The following ATP2A1 variants were observed in gnomAD, a reference collection of about 807,000 sequenced individuals.
The protein encoded by ATP2A1 is sarcoplasmic/endoplasmic reticulum calcium ATPase 1.
In ATP2A1, 83 loss-of-function variants were observed where a neutral mutation model predicts 109.5. That is an observed-to-expected ratio of 0.76 (90% confidence interval 0.63 to 0.91). The LOEUF (loss-of-function observed/expected upper bound fraction) is 0.91. Among genes scored for constraint, ATP2A1 ranks in the 40% least tolerant of loss-of-function variants. The probability of loss-of-function intolerance (pLI) is 0.00; values close to 1 mark genes in which losing one functional copy is unlikely to be tolerated. For synonymous variants in ATP2A1, 505 were observed against 537.6 expected (o/e 0.94, Z 0.84); for missense variants, 1,101 against 1,341.0 (o/e 0.82, Z 2.80).
Position 28,903,836 on chromosome 16 carries a change from T to G in ATP2A1, c.*37+95T>G. 8.3e-7 allele frequency: 1 copy of G among 1,209,560 alleles called. No individual in the cohort carries two copies. Among genetic ancestry groups the G allele is most frequent in the Non-Finnish European group, 1.2e-6 (1 of 816,216 alleles). The allele number at this position is 1,209,560 out of a possible 1,614,324, so 74.9% of individuals were successfully genotyped here. A position where few individuals can be genotyped will look rare whatever the true frequency, so the allele number is the denominator to read the frequency against. ...GCGTCGCATCCAAGGTCACTTGTGCTCGCAGCTCCACCTGGAGCCGTTGCC... is the reference window on the plus strand; with the variant it reads ...GCGTCGCATCCAAGGTCACTTGTGCGCGCAGCTCCACCTGGAGCCGTTGCC... On this transcript the variant is annotated intron_variant, in intron 22 of 22. Coordinates refer to ENST00000395503, the MANE Select transcript of ATP2A1 (RefSeq NM_004320.6). This position sits in a 1 kb window ranked among gnomAD's most constrained non-coding sequence, Gnocchi z 5.6.
chr16:28,894,791 C>A (rs199702781), intron 11 of ATP2A1, 31 bp from the exon 12 acceptor site: 2 of 1,609,958 alleles, frequency 1.2e-6, no homozygotes, highest in South Asian at 1.1e-5. Context: ...CCTGGGGCAC[C>A]GACTTCCTCT....
rs1963438798 is a variant in ATP2A1, at chr16:28,880,533, G to A, written c.220-382G>A. On this transcript the variant is annotated intron_variant, in intron 3 of 22. Transcript: ENST00000395503. The surrounding 1 kb of genome is among the most constrained non-coding windows in gnomAD (Gnocchi z 4.2). The stretch of plus-strand genomic sequence containing the variant: ...TTGGCCGAGGGGGAGGGCTGCGGGG[G>A]CCAGACCGCCTGCGAAGACCACAGG... Among the ~76,000 whole-genome samples the A allele has an allele frequency of 6.6e-6, 1 of 151,360 alleles. No homozygotes were observed. Among genetic ancestry groups the A allele is most frequent in the Admixed American group, 6.6e-5 (1 of 15,214 alleles).
chr16:28,887,874 C>T, intron 8 of ATP2A1, 152 bp downstream of exon 8: 5 of 1,046,696 alleles, frequency 4.8e-6, no homozygotes, highest in South Asian at 1.4e-5. Flanking sequence ...GATCTCGGCT[C>T]ACTGCAAGCT....
chr16:28,895,026 C>G, intron 12 of ATP2A1, 73 bp downstream of exon 12: 1 of 1,596,184 alleles, frequency 6.3e-7, no homozygotes, highest in Non-Finnish European at 8.5e-7. Context: ...GGCAGAGGCC[C>G]TGGTTGGGCA....
In ATP2A1 at chr16:28,879,117, G is replaced by GT. The variant is rs1415021206; in HGVS notation, c.136+2dup. Reference sequence around the variant, plus strand: ...TGGGTAGAGCTCCCTGCTGAGGAAGGTAAGTTACTGGAATCCCTGAACTCT... The same window carrying GT: ...TGGGTAGAGCTCCCTGCTGAGGAAGGTTAAGTTACTGGAATCCCTGAACTCT... On this transcript the variant is annotated splice_donor_variant, in intron 2 of 22. Transcript: ENST00000395503. LOFTEE classifies it high-confidence loss of function. 5.0e-6 allele frequency: 8 copies of GT among 1,613,944 alleles called. No individual in the cohort carries two copies. The highest frequency in any genetic ancestry group is 5.9e-6 in the Non-Finnish European group (7 of 1,180,004).
At chr16:28,896,793 A>C (rs1318552874) in intron 12 of ATP2A1, among the ~76,000 whole-genome samples, 1 of 147,570 alleles carries the variant, frequency 6.8e-6, no homozygotes, top group Non-Finnish European at 1.5e-5. Context: ...TCCTGGGTTC[A>C]AGTGATTGTC....
intron 15 of ATP2A1, 29 bp downstream of exon 15, chr16:28,900,945 A>C (rs1964058367): frequency 6.2e-7 from 1 of 1,612,842 alleles, no homozygotes; most frequent in Admixed American, 1.7e-5. Flanking sequence ...CTGCAGCCTT[A>C]GTGTCCACGG....
chr16:28,885,718 A>G (rs917176845), intron 6 of ATP2A1, among the ~76,000 whole-genome samples: 2 of 151,552 alleles, frequency 1.3e-5, no homozygotes, highest in African/African-American at 4.9e-5. Flanking sequence ...GTTGTTGCCT[A>G]CTCTCTAGAT....
intron 14 of ATP2A1, among the ~76,000 whole-genome samples, chr16:28,899,675 T>C (rs1964016764): frequency 9.8e-6 from 1 of 102,006 alleles, no homozygotes; most frequent in South Asian, 3.7e-4. Flanking sequence ...AAGACACAAT[T>C]TGGGGCCACG....
At chr16:28,893,777 G>A (rs1298648814) in intron 9 of ATP2A1, among the ~76,000 whole-genome samples, 1 of 151,252 alleles carries the variant, frequency 6.6e-6, no homozygotes, top group African/African-American at 2.4e-5. Flanking sequence ...AGCCTCCAGA[G>A]TAGCTGGGAT....
chr16:28,888,680 T>C (rs1326504559), intron 8 of ATP2A1, 107 bp from the exon 9 acceptor site: 2 of 1,341,030 alleles, frequency 1.5e-6, no homozygotes, highest in Non-Finnish European at 2.1e-6. Context: ...GCTAGGATTA[T>C]AGGTGTGCAC....
intron 9 of ATP2A1, 63 bp from the exon 10 acceptor site, chr16:28,894,092 G>T: frequency 1.4e-6 from 2 of 1,451,818 alleles, no homozygotes; most frequent in Admixed American, 3.5e-5. Flanking sequence ...CTCCCTTGAT[G>T]CAGGTGCCCA....
chr16:28,888,859 G>A lies in ATP2A1; in HGVS notation c.1001G>A (p.Arg334Lys). ...RRMAKKNAIV[R>K]SLPSVETLGC... ...ATGGCAAAGAAGAATGCCATTGTAA[G>A]AAGCTTGCCCTCCGTAGAGACCCTG... Residue 334 changes from arginine to lysine, a missense_variant, in exon 9 of 23, where the codon AGA becomes AAA. Transcript: ENST00000395503. The A allele has an allele frequency of 1.2e-6, 2 of 1,613,590 alleles. No homozygotes were observed. Among genetic ancestry groups the A allele is most frequent in the Non-Finnish European group, 1.7e-6 (2 of 1,179,688 alleles).
chr16:28,894,295 C>T (rs775748398), intron 10 of ATP2A1, 52 bp downstream of exon 10: 6 of 1,546,234 alleles, frequency 3.9e-6, no homozygotes, highest in Non-Finnish European at 4.4e-6. Flanking sequence ...TTCCCACACC[C>T]CCTTTCTCCC....
intron 6 of ATP2A1, among the ~76,000 whole-genome samples, chr16:28,886,922 C>T (rs768647341): frequency 6.7e-5 from 10 of 149,708 alleles, no homozygotes; most frequent in Middle Eastern, 3.5e-3. Context: ...TGCCTGAACC[C>T]GGGAGGTTGC....
intron 8 of ATP2A1, 61 bp downstream of exon 8, chr16:28,887,783 TTTTC>T (rs1963655010): frequency 1.3e-6 from 2 of 1,563,882 alleles, no homozygotes; most frequent in South Asian, 2.3e-5. Context: ...ACCCCTTTTC[TTTTC>T]TTTTCTTTTC....
Position 28,902,710 on chromosome 16 carries a change from GCAGGAGGGTAC to G in ATP2A1, c.2610+55_2611-48del. 5 of 1,613,912 alleles carry G rather than the reference GCAGGAGGGTAC, an allele frequency of 3.1e-6. No individual in the cohort carries two copies. The highest frequency in any genetic ancestry group is 1.3e-5 in the African/African-American group (1 of 75,006). On this transcript the variant is annotated intron_variant, in intron 18 of 22. Coordinates refer to ENST00000395503, the MANE Select transcript of ATP2A1 (RefSeq NM_004320.6). This position sits in a 1 kb window ranked among gnomAD's most constrained non-coding sequence, Gnocchi z 4.8. ...GAGGGGACCAGGAGGGTGTGGGGAT[GCAGGAGGGTAC>G]CAGGAGGGTGGCATGGAGGTGGCCC... is the stretch of plus-strand genomic sequence containing the variant.
In ATP2A1 at chr16:28,902,069, G is replaced by C. The variant is rs766004833; in HGVS notation, c.2307G>C (p.Val769=). 3.7e-6 allele frequency: 6 copies of C among 1,614,230 alleles called. No homozygotes were observed. Among genetic ancestry groups the C allele is most frequent in the Non-Finnish European group, 5.1e-6 (6 of 1,180,042 alleles). The change falls in exon 16 of 23, where the codon GTG becomes GTC. Residue 769 remains valine (V), a synonymous_variant. Coordinates refer to ENST00000395503, the MANE Select transcript of ATP2A1 (RefSeq NM_004320.6). The surrounding 1 kb of genome is among the most constrained non-coding windows in gnomAD (Gnocchi z 4.8). The stretch of plus-strand genomic sequence containing the variant: ...TCCGCTACCTCATTTCCTCCAACGT[G>C]GGCGAGGTGGTCTGGTGAGCAGCTG... ...QFIRYLISSN[V]GEVVCIFLTA...
At chr16:28,881,367 C>T (rs1429799326) in intron 4 of ATP2A1, 1 of 392,440 alleles carries the variant, frequency 2.5e-6, no homozygotes, top group East Asian at 6.0e-5. Flanking sequence ...CTTCCACTGA[C>T]CTGACCACCC....
Sources: gnomAD v4.1 joint callset for allele counts (sites outside exome capture counted in the v4.1 genomes callset) on GRCh38, gnomAD v4.1.1 for gene constraint, Gnocchi (gnomAD v3.1) non-coding constraint, MANE v1.5 for transcripts, NCBI Gene and HGNC (gene_info 2026-07-23, HGNC 2026-07-21) for gene names.